MALRD1: variants seen among roughly 807,000 people sequenced by gnomAD.
MALRD1 encodes the protein MAM and LDL-receptor class A domain-containing protein 1.
Under a neutral mutation model 242.1 loss-of-function variants are expected in MALRD1, and 247 were observed. The observed-to-expected ratio is 1.02, with a 90% CI of 0.92 to 1.13. The LOEUF is 1.13. Ranked by LOEUF, MALRD1 falls within the 50% of genes most tolerant of loss-of-function variation. MALRD1 has a pLI of 0.00. For synonymous variants in MALRD1, 995 were observed against 866.6 expected (o/e 1.15, Z -2.60); for missense variants, 2,989 against 2,533.1 (o/e 1.18, Z -3.86).
At chr10:19,659,332 A>G (rs1841315081) in intron 36 of MALRD1, among the ~76,000 whole-genome samples, 1 of 152,106 alleles carries the variant, frequency 6.6e-6, no homozygotes, top group African/African-American at 2.4e-5. Flanking sequence ...GTCCTGGGAG[A>G]TGGGTACTAT....
rs572424770 is a variant in MALRD1, at chr10:19,611,050, C to A, written c.6070+3148C>A. On this transcript the variant is annotated intron_variant, in intron 35 of 39. Transcript: ENST00000454679. ...AGGTTTCATAGGCAATGCAAATACT[C>A]CCCCCAGTATAGAAAGATGATTGAG... Among the ~76,000 whole-genome samples the A allele has an allele frequency of 2.0e-5, 3 of 151,940 alleles. No individual in the cohort carries two copies. The East Asian group carries it at 5.8e-4, about 30-fold the overall frequency.
At position 19,586,194 on chromosome 10, in the gene MALRD1, A is replaced by G. The variant is rs952529579; in HGVS notation, c.5681-9000A>G. Among the ~76,000 whole-genome samples, 8 of 152,166 alleles carry G rather than the reference A, an allele frequency of 5.3e-5. No homozygotes were observed. The South Asian group carries it at 1.2e-3, about 24-fold the overall frequency. ...GAATGTCCTCCCATAGCTCGGAATA[A>G]TTTGATCGTCTGAAGCCTTCTTCTC... On this transcript the variant is annotated intron_variant, in intron 33 of 39. Coordinates refer to ENST00000454679, the MANE Select transcript of MALRD1 (RefSeq NM_001142308.3).
At chr10:19,651,959 C>A (rs1840914363) in intron 36 of MALRD1, among the ~76,000 whole-genome samples, 1 of 152,198 alleles carries the variant, frequency 6.6e-6, no homozygotes, top group African/African-American at 2.4e-5. Flanking sequence ...GCACAAGGGC[C>A]AAATTGATGC....
intron 2 of MALRD1, among the ~76,000 whole-genome samples, chr10:19,075,345 G>A (rs1005659378): frequency 2.0e-5 from 3 of 151,978 alleles, no homozygotes; most frequent in Non-Finnish European, 2.9e-5. Context: ...CTTCAAAATC[G>A]CAAGATTATC....
upstream of MALRD1, among the ~76,000 whole-genome samples, chr10:19,047,410 A>G (rs902562265): frequency 6.6e-6 from 1 of 151,782 alleles, no homozygotes; most frequent in Non-Finnish European, 1.5e-5. Context: ...GAAGAAGTGC[A>G]TATCAGGATT....
At chr10:19,047,411 T>G (rs1170729566), upstream of MALRD1, among the ~76,000 whole-genome samples, 1 of 151,708 alleles carries the variant, frequency 6.6e-6, no homozygotes, top group Non-Finnish European at 1.5e-5. Flanking sequence ...AAGAAGTGCA[T>G]ATCAGGATTG....
chr10:19,447,474 G>T (rs1356617604), intron 28 of MALRD1, among the ~76,000 whole-genome samples: 1 of 152,088 alleles, frequency 6.6e-6, no homozygotes, highest in African/African-American at 2.4e-5. Context: ...TAAAATGACA[G>T]TGAATGCATT....
intron 2 of MALRD1, among the ~76,000 whole-genome samples, chr10:19,072,529 G>A (rs1162164693): frequency 6.6e-6 from 1 of 151,882 alleles, no homozygotes; most frequent in African/African-American, 2.4e-5. Context: ...TTTGTCTGTG[G>A]GTTACAGTTT....
chr10:19,603,025 C>A (rs1289538016), intron 34 of MALRD1, among the ~76,000 whole-genome samples: 2 of 152,076 alleles, frequency 1.3e-5, no homozygotes, highest in Non-Finnish European at 2.9e-5. Flanking sequence ...TATCCTTTGC[C>A]CACCTGTTGA....
At chr10:19,228,779 T>C (rs113970501) in intron 18 of MALRD1, among the ~76,000 whole-genome samples, 3,197 of 152,286 alleles carry the variant, frequency 0.021, 50 homozygotes, top group Middle Eastern at 0.037. Flanking sequence ...AGCATGCTTT[T>C]AATCAACAGA....
intron 27 of MALRD1, among the ~76,000 whole-genome samples, chr10:19,388,333 A>G (rs951039854): frequency 6.6e-6 from 1 of 152,238 alleles, no homozygotes; most frequent in Admixed American, 6.5e-5. Context: ...AGGAGAAAAC[A>G]CAATTCAAAC....
intron 36 of MALRD1, among the ~76,000 whole-genome samples, chr10:19,620,006 CAATAATAATAATA>C (rs149012155): frequency 0.47 from 65,812 of 140,202 alleles, 15,252 homozygotes; most frequent in Non-Finnish European, 0.53. Flanking sequence ...GTTCCTGTCT[CAATAATAATAATA>C]AATAATAATA....
At chr10:19,375,391 G>C (rs1464690054) in intron 26 of MALRD1, among the ~76,000 whole-genome samples, 4 of 152,112 alleles carry the variant, frequency 2.6e-5, no homozygotes, top group Admixed American at 6.6e-5. Flanking sequence ...GTTTATTATA[G>C]AGAAAGGGTT....
intron 18 of MALRD1, among the ~76,000 whole-genome samples, chr10:19,234,424 T>C (rs1166542897): frequency 6.6e-6 from 1 of 152,124 alleles, no homozygotes; most frequent in Admixed American, 6.6e-5. Context: ...TTCAGATAAT[T>C]AACATTTTCC....
chr10:19,325,137 CTATT>C (rs904897711), intron 22 of MALRD1, among the ~76,000 whole-genome samples: 8 of 150,448 alleles, frequency 5.3e-5, no homozygotes, highest in Middle Eastern at 3.5e-3. Flanking sequence ...TCTCATCCCT[CTATT>C]TGTTTGCTCA....
At chr10:19,420,681 T>C (rs1833689042) in intron 28 of MALRD1, among the ~76,000 whole-genome samples, 1 of 152,152 alleles carries the variant, frequency 6.6e-6, no homozygotes, top group South Asian at 2.1e-4. Context: ...ACATACCCTC[T>C]GCCTGGATCA....
intron 21 of MALRD1, among the ~76,000 whole-genome samples, chr10:19,316,963 C>A (rs1450269631): frequency 4.6e-5 from 7 of 151,322 alleles, no homozygotes; most frequent in African/African-American, 1.7e-4. Flanking sequence ...GAGATAGATA[C>A]CAATTTTTCC....
chr10:19,121,565 T>G (rs1837066168), intron 5 of MALRD1, among the ~76,000 whole-genome samples: 1 of 152,066 alleles, frequency 6.6e-6, no homozygotes, highest in South Asian at 2.1e-4. Flanking sequence ...TTTTGGCCAT[T>G]TAGGTCCTGA....
intron 18 of MALRD1, 32 bp downstream of exon 18, chr10:19,209,712 G>T (rs1158805645): frequency 2.0e-6 from 3 of 1,482,598 alleles, no homozygotes; most frequent in Admixed American, 4.7e-5. Context: ...ATGTACATTT[G>T]AAATGCATCT....
Sources: allele counts gnomAD v4.1 joint callset (sites outside exome capture counted in the v4.1 genomes callset), GRCh38; gene constraint gnomAD v4.1.1; transcripts MANE v1.5; gene names NCBI Gene and HGNC (gene_info 2026-07-23, HGNC 2026-07-21).